The following MECOM variants were observed in gnomAD, a reference collection of about 807,000 sequenced individuals.
The protein encoded by MECOM is histone-lysine N-methyltransferase MECOM.
A neutral mutation model predicts 116.3 loss-of-function variants in MECOM; 13 were observed. The observed-to-expected ratio is 0.11, with a 90% CI of 0.07 to 0.18. MECOM has a LOEUF of 0.18. MECOM is among the 10% of genes least tolerant of loss of function. MECOM has a pLI of 1.00. For synonymous variants in MECOM, 528 were observed against 535.2 expected (o/e 0.99, Z 0.19); for missense variants, 1,299 against 1,509.0 (o/e 0.86, Z 2.31).
chr3:169,493,977 G>A (rs1328188863), intron 1 of MECOM, among the ~76,000 whole-genome samples: 1 of 152,102 alleles, frequency 6.6e-6, no homozygotes, highest in Non-Finnish European at 1.5e-5. Context: ...TAAACGGTAG[G>A]AAAGAATACA....
rs1355578241 is a variant in MECOM at position 169,229,325 on chromosome 3, C to A, written c.376-85493G>T. The stretch of plus-strand genomic sequence containing the variant: ...CAAGTGGAGAGGCAGCCAGCAGACA[C>A]CAAATAAGTCACAAGAGCATCTCAA... On this transcript the variant is annotated intron_variant, in intron 2 of 16. Coordinates refer to ENST00000651503, the MANE Select transcript of MECOM (RefSeq NM_004991.4). Among the ~76,000 whole-genome samples, 6 of 152,270 alleles carry A rather than the reference C, an allele frequency of 3.9e-5. No individual in the cohort carries two copies. The East Asian group carries it at 1.2e-3, about 29-fold the overall frequency.
At chr3:169,105,591 G>A (rs2148986219) in intron 10 of MECOM, among the ~76,000 whole-genome samples, 1 of 152,128 alleles carries the variant, frequency 6.6e-6, no homozygotes, top group Non-Finnish European at 1.5e-5. Context: ...TGAGAATGGG[G>A]AAATCAAAGG....
intron 2 of MECOM, among the ~76,000 whole-genome samples, chr3:169,272,432 A>G (rs1480343842): frequency 6.6e-6 from 1 of 152,188 alleles, no homozygotes; most frequent in East Asian, 1.9e-4. Flanking sequence ...GACAAACTCA[A>G]TGTAGCTTTC....
At chr3:169,095,853 AT>A (rs67164892) in intron 12 of MECOM, among the ~76,000 whole-genome samples, 4,194 of 152,264 alleles carry the variant, frequency 0.028, 199 homozygotes, top group African/African-American at 0.097. Context: ...TATAAAAAAA[AT>A]AATAATGCCA....
intron 2 of MECOM, among the ~76,000 whole-genome samples, chr3:169,172,850 T>C (rs547523339): frequency 3.9e-5 from 6 of 152,156 alleles, no homozygotes; most frequent in Non-Finnish European, 5.9e-5. Context: ...GCTTCTACAA[T>C]TGAAAAAAGG....
intron 1 of MECOM, among the ~76,000 whole-genome samples, chr3:169,382,781 A>G (rs899460942): frequency 6.8e-6 from 1 of 146,210 alleles, no homozygotes; most frequent in East Asian, 2.2e-4. Context: ...TGAACTTGAG[A>G]AGGCTACAAT....
At chr3:169,639,279 C>A (rs549467475) in intron 1 of MECOM, among the ~76,000 whole-genome samples, 4 of 152,086 alleles carry the variant, frequency 2.6e-5, no homozygotes, top group African/African-American at 9.7e-5. Flanking sequence ...CACGTCTGAG[C>A]CAATCAGTGC....
intron 2 of MECOM, among the ~76,000 whole-genome samples, chr3:169,322,994 C>T (rs377731679): frequency 3.8e-5 from 3 of 79,004 alleles, no homozygotes; most frequent in African/African-American, 1.2e-4. Context: ...AGCAAGACTC[C>T]GGTAAAAAAA....
chr3:169,565,684 A>G lies in MECOM; in HGVS notation c.37+97652T>C, dbSNP rs537218011. ...AGGACTTTGCAGGAAATCTCTGGGA[A>G]TGGAGCTCCAGAAAAATCTGGGTGG... On this transcript the variant is annotated intron_variant, in intron 1 of 16. Transcript: ENST00000651503. Among the ~76,000 whole-genome samples the G allele has an allele frequency of 4.1e-4, 62 of 152,300 alleles. 3 individuals are homozygous for G. In the South Asian group the frequency reaches 0.011, roughly 27 times the overall value.
intron 2 of MECOM, among the ~76,000 whole-genome samples, chr3:169,332,773 T>A (rs1722971149): frequency 6.6e-6 from 1 of 152,192 alleles, no homozygotes. Flanking sequence ...TGCTTATTCA[T>A]CAGTGCATTT....
At chr3:169,205,357 G>A (rs752537448) in intron 2 of MECOM, among the ~76,000 whole-genome samples, 5 of 152,086 alleles carry the variant, frequency 3.3e-5, no homozygotes, top group Non-Finnish European at 5.9e-5. Flanking sequence ...ATTAAGCATA[G>A]GTTTTTGAAA....
intron 1 of MECOM, among the ~76,000 whole-genome samples, chr3:169,660,062 G>T (rs1255748555): frequency 6.6e-6 from 1 of 152,128 alleles, no homozygotes; most frequent in East Asian, 1.9e-4. Context: ...GTAAGGTAAG[G>T]GTGGCTTCGG....
At chr3:169,097,758 T>C (rs1156619507) in intron 12 of MECOM, among the ~76,000 whole-genome samples, 1 of 139,616 alleles carries the variant, frequency 7.2e-6, no homozygotes, top group Non-Finnish European at 1.5e-5. Flanking sequence ...GTGGGAGAAC[T>C]GCTTGAAGCC....
intron 1 of MECOM, among the ~76,000 whole-genome samples, chr3:169,658,859 G>C (rs1015490696): frequency 1.9e-4 from 29 of 152,102 alleles, no homozygotes; most frequent in Non-Finnish European, 4.0e-4. Flanking sequence ...CAACGCGCAG[G>C]GGGGTGCCGG....
At chr3:169,164,776 A>T (rs1743320119) in intron 2 of MECOM, among the ~76,000 whole-genome samples, 1 of 152,150 alleles carries the variant, frequency 6.6e-6, no homozygotes, top group Non-Finnish European at 1.5e-5. Flanking sequence ...TAGCTCAGGG[A>T]AGGTCATTTG....
At chr3:169,526,957 A>C (rs1482194647) in intron 1 of MECOM, among the ~76,000 whole-genome samples, 1 of 152,236 alleles carries the variant, frequency 6.6e-6, no homozygotes, top group Non-Finnish European at 1.5e-5. Flanking sequence ...AACACATCAC[A>C]GTCAGATGAA....
At chr3:169,443,895 CT>C in intron 1 of MECOM, among the ~76,000 whole-genome samples, 1 of 152,172 alleles carries the variant, frequency 6.6e-6, no homozygotes, top group African/African-American at 2.4e-5. Flanking sequence ...AGACAGTTAG[CT>C]CTGGCTCCTC....
intron 1 of MECOM, among the ~76,000 whole-genome samples, chr3:169,428,625 T>C (rs996333069): frequency 2.6e-5 from 4 of 152,170 alleles, no homozygotes; most frequent in Non-Finnish European, 5.9e-5. Context: ...AATATATAAA[T>C]CTTAAAATTT....
intron 1 of MECOM, among the ~76,000 whole-genome samples, chr3:169,386,640 G>C (rs1194357487): frequency 6.6e-6 from 1 of 151,880 alleles, no homozygotes; most frequent in Non-Finnish European, 1.5e-5. Flanking sequence ...CTACTTCCAT[G>C]GATTTTATTT....
Sources: gnomAD v4.1 joint callset for allele counts (sites outside exome capture counted in the v4.1 genomes callset) on GRCh38, gnomAD v4.1.1 for gene constraint, MANE v1.5 for transcripts, NCBI Gene and HGNC (gene_info 2026-07-23, HGNC 2026-07-21) for gene names.